LIPA: variants seen among roughly 807,000 people sequenced by gnomAD.
LIPA encodes the protein lipase A, lysosomal acid type, also known as lysosomal acid lipase/cholesteryl ester hydrolase.
LIPA carries 26 observed loss-of-function variants against 40.6 expected under a neutral mutation model. The ratio of observed to expected loss-of-function variants is 0.64; its 90% confidence interval spans 0.47 to 0.89. The LOEUF is 0.89. Ranked by LOEUF, LIPA falls within the 40% of genes least tolerant of loss-of-function variation. The pLI is 0.00. For missense variants in LIPA, 455 were observed against 479.6 expected (o/e 0.95, Z 0.48); for synonymous variants, 188 against 168.4 (o/e 1.12, Z -0.90).
At position 89,230,848 on chromosome 10, in the gene LIPA, C is replaced by T. The variant is rs568383398; in HGVS notation, c.230-2450G>A. Among the ~76,000 whole-genome samples the T allele has an allele frequency of 4.6e-5, 7 of 152,306 alleles. No individual in the cohort carries two copies. In the East Asian group the frequency reaches 1.2e-3, roughly 25 times the overall value. On this transcript the variant is annotated intron_variant, in intron 3 of 9. Transcript: ENST00000336233. ...CAACTCATACTATTAAGTTGCTTAACCAGTCTGCGTCTCAGTTCCAAAAAT... is the reference window on the plus strand; with the variant it reads ...CAACTCATACTATTAAGTTGCTTAATCAGTCTGCGTCTCAGTTCCAAAAAT...
chr10:89,240,600 G>C (rs1013434981), intron 3 of LIPA, among the ~76,000 whole-genome samples: 7 of 152,086 alleles, frequency 4.6e-5, no homozygotes, highest in Non-Finnish European at 7.3e-5. Context: ...TTTAATAATT[G>C]AATAAGTCAA....
chr10:89,403,369 A>C, intron 2 of LIPA: 1 of 1,613,410 alleles, frequency 6.2e-7, no homozygotes, highest in Non-Finnish European at 8.5e-7. Flanking sequence ...AATTTTCAAA[A>C]ATTGTTATGC....
intron 3 of LIPA, among the ~76,000 whole-genome samples, chr10:89,234,532 C>G (rs1381432138): frequency 6.6e-6 from 1 of 152,222 alleles, no homozygotes; most frequent in Non-Finnish European, 1.5e-5. Flanking sequence ...AAACCTCTTG[C>G]CCCTTCCCTC....
chr10:89,234,032 G>C (rs532393099), intron 3 of LIPA, among the ~76,000 whole-genome samples: 1 of 152,344 alleles, frequency 6.6e-6, no homozygotes, highest in African/African-American at 2.4e-5. Context: ...CCAGCAAGAA[G>C]AAGGCTAGAA....
At chr10:89,399,967 T>C (rs1037054462) in intron 2 of LIPA, among the ~76,000 whole-genome samples, 3 of 152,282 alleles carry the variant, frequency 2.0e-5, no homozygotes, top group East Asian at 1.9e-4. Flanking sequence ...ACCAAATTGG[T>C]TGTCACCTTC....
intron 1 of LIPA, among the ~76,000 whole-genome samples, chr10:89,319,153 C>G (rs1295089940): frequency 6.6e-6 from 1 of 152,094 alleles, no homozygotes; most frequent in East Asian, 1.9e-4. Flanking sequence ...ATTAAAAGAA[C>G]TAGAGAAGCA....
intron 1 of LIPA, among the ~76,000 whole-genome samples, chr10:89,248,442 A>ATTATTT (rs1459065726): frequency 8.1e-5 from 11 of 136,400 alleles, no homozygotes; most frequent in South Asian, 4.8e-4. Context: ...TTATTATTTT[A>ATTATTT]TATTTATTTA....
chr10:89,313,914 G>C (rs987735952), intron 1 of LIPA, among the ~76,000 whole-genome samples: 1 of 152,198 alleles, frequency 6.6e-6, no homozygotes, highest in Non-Finnish European at 1.5e-5. Flanking sequence ...ATGACAGCTT[G>C]AGAATGTTCT....
chr10:89,358,479 T>G (rs1844001449), intron 2 of LIPA, among the ~76,000 whole-genome samples: 1 of 152,234 alleles, frequency 6.6e-6, no homozygotes. Flanking sequence ...TGTATTCTCA[T>G]GTTCATTGGA....
intron 1 of LIPA, chr10:89,340,799 C>A (rs1356414019): frequency 6.6e-6 from 1 of 152,190 alleles, no homozygotes; most frequent in Non-Finnish European, 1.5e-5. Context: ...ATCTCATTTT[C>A]ATCCAGACTT....
At chr10:89,346,359 A>G (rs755158594), upstream of LIPA, among the ~76,000 whole-genome samples, 2 of 152,196 alleles carry the variant, frequency 1.3e-5, no homozygotes, top group Non-Finnish European at 2.9e-5. Context: ...AAATTTTACC[A>G]GTTGTCCCAC....
At chr10:89,227,060 A>G (rs748072374) in intron 4 of LIPA, 56 bp from the exon 5 acceptor site, 79 of 1,050,940 alleles carry the variant, frequency 7.5e-5, no homozygotes, top group African/African-American at 1.1e-4. Context: ...TAGAGCACAC[A>G]CATACTGAGT....
intron 1 of LIPA, among the ~76,000 whole-genome samples, chr10:89,318,105 G>A (rs1033945216): frequency 6.6e-6 from 1 of 152,208 alleles, no homozygotes; most frequent in Non-Finnish European, 1.5e-5. Flanking sequence ...ACCAGCCACT[G>A]CAAAACATGT....
intron 1 of LIPA, among the ~76,000 whole-genome samples, chr10:89,319,130 A>G (rs1843557373): frequency 6.6e-6 from 1 of 152,198 alleles, no homozygotes; most frequent in Admixed American, 6.5e-5. Context: ...TAAAATTGAC[A>G]CCTAATATTA....
In LIPA at chr10:89,223,819, T is replaced by A; in HGVS notation, c.687A>T (p.Gly229=). The A allele has an allele frequency of 6.2e-7, 1 of 1,614,050 alleles. No individual in the cohort carries two copies. Among genetic ancestry groups the A allele is most frequent in the Non-Finnish European group, 8.5e-7 (1 of 1,179,984 alleles). Residue 229 remains glycine (G), a synonymous_variant, in exon 7 of 10, where the codon GGA becomes GGT. Transcript: ENST00000336233. The stretch of plus-strand genomic sequence containing the variant: ...CACTCTGGGGAAGAAATTCTTTGTC[T>A]CCAAATAAGTCCTACAAAATAAAAA... ...LPDHLIKDLF[G]DKEFLPQSAF...
At chr10:89,242,585 A>AAGT (rs1430903317) in intron 3 of LIPA, among the ~76,000 whole-genome samples, 8 of 152,326 alleles carry the variant, frequency 5.3e-5, no homozygotes, top group African/African-American at 1.9e-4. Context: ...GTGAGGCTAC[A>AAGT]CAGTCAGTCA....
chr10:89,406,831 C>G (rs1039205924), intron 2 of LIPA, among the ~76,000 whole-genome samples: 1 of 152,194 alleles, frequency 6.6e-6, no homozygotes, highest in Admixed American at 6.5e-5. Flanking sequence ...GAACCAATTC[C>G]AGACAAATTT....
intron 1 of LIPA, among the ~76,000 whole-genome samples, chr10:89,317,975 T>C (rs936681341): frequency 6.6e-6 from 1 of 152,102 alleles, no homozygotes; most frequent in African/African-American, 2.4e-5. Context: ...CTAAGCTTCA[T>C]AAGTGAAGGA....
At chr10:89,321,091 G>A (rs1217939654) in intron 1 of LIPA, among the ~76,000 whole-genome samples, 2 of 151,986 alleles carry the variant, frequency 1.3e-5, no homozygotes, top group African/African-American at 4.8e-5. Flanking sequence ...AGATTTAAAT[G>A]TTAGACCTAA....
Sources: gnomAD v4.1 joint callset for allele counts (sites outside exome capture counted in the v4.1 genomes callset) on GRCh38, gnomAD v4.1.1 for gene constraint, MANE v1.5 for transcripts, NCBI Gene and HGNC (gene_info 2026-07-23, HGNC 2026-07-21) for gene names.